Variants in PLEC observed in about 807,000 individuals in gnomAD.
PLEC encodes the protein hemidesmosomal protein 1.
Under a neutral mutation model 392.8 loss-of-function variants are expected in PLEC, and 216 were observed. The ratio of observed to expected loss-of-function variants is 0.55; its 90% CI spans 0.49 to 0.62. PLEC has a LOEUF of 0.62. PLEC is among the 20% of genes least tolerant of loss of function. The probability of loss-of-function intolerance (pLI) is 0.00; values close to 1 mark genes in which losing one functional copy is unlikely to be tolerated. For missense variants in PLEC, 6,863 were observed against 6,563.4 expected, an observed-to-expected ratio of 1.05 and a Z score of -1.58; for synonymous variants, 3,621 against 2,980.6, an observed-to-expected ratio of 1.21 and a Z score of -7.00.
At chr8:143,970,619 G>A (rs1416235988) in intron 1 of PLEC, among the ~76,000 whole-genome samples, 1 of 152,172 alleles carries the variant, frequency 6.6e-6, no homozygotes, top group East Asian at 1.9e-4. Context: ...ATTCGGAGTT[G>A]TGTAGCTGTC....
At chr8:143,954,842 G>A (rs1331410367), upstream of PLEC, among the ~76,000 whole-genome samples, 1 of 152,184 alleles carries the variant, frequency 6.6e-6, no homozygotes, top group Non-Finnish European at 1.5e-5. This position sits in a 1 kb window ranked among gnomAD's most constrained non-coding sequence, Gnocchi z 4.6. Context: ...GCCTCCACAA[G>A]ATAGAAGTGA....
Position 143,924,940 on chromosome 8 carries a change from C to T in PLEC, c.4989G>A (p.Glu1663=), listed in dbSNP as rs1554699876. The part of the protein sequence containing the change: ...QQKSLAQAEA[E]KQKEEAEREA... ...CGCGCTCCGCCTCCTCCTTCTGCTT[C>T]TCAGCCTCGGCCTGCGCCAGGCTCT... Residue 1663 remains glutamate, a synonymous_variant, in exon 31 of 32, where the codon GAG becomes GAA. Transcript: ENST00000345136. 5 of 1,583,338 alleles carry T rather than the reference C, an allele frequency of 3.2e-6. No homozygotes were observed. The highest frequency in any genetic ancestry group is 1.7e-5 in the Admixed American group (1 of 58,660).
chr8:143,934,254 G>A, intron 11 of PLEC, 64 bp downstream of exon 11: 4 of 1,605,170 alleles, frequency 2.5e-6, no homozygotes, highest in Admixed American at 1.7e-5. Context: ...GGGGAGGGGG[G>A]TTTCCTTCCC....
In PLEC at chr8:143,927,670, G is replaced by A. The variant is rs374092876; in HGVS notation, c.3496C>T (p.Arg1166Trp). The A allele has an allele frequency of 2.2e-5, 34 of 1,580,614 alleles. No homozygotes were observed. The highest frequency in any genetic ancestry group is 4.6e-5 in the East Asian group (2 of 43,310). ...AQEVGERLQQ[R>W]HGERDVEVER... ...ACCTCCACGTCCCGCTCCCCGTGCC[G>A]CTGCTGCAGTCGCTCCCCCACCTCC... The change falls in exon 27 of 32, where the codon CGG (arginine) becomes TGG (tryptophan). Residue 1166 changes from arginine (R) to tryptophan (W), a missense_variant. Physicochemically the swap from Arg to Trp is moderately radical, Grantham distance 101. Transcript: ENST00000345136.
chr8:143,936,020 C>G lies in PLEC; in HGVS notation c.436-6G>C. On this transcript the variant is annotated splice_polypyrimidine_tract_variant and splice_region_variant and intron_variant, in intron 5 of 31. Transcript: ENST00000345136. ...CTCACCTGGATATCTGAGATCTGCT[C>G]ACAGCAGAGAGGAGGCCACAGCTCA... 1.2e-6 allele frequency: 2 copies of G among 1,611,230 alleles called. No homozygotes were observed. The highest frequency in any genetic ancestry group is 1.7e-6 in the Non-Finnish European group (2 of 1,179,898).
At chr8:143,949,933 G>C (rs1831942671) in intron 1 of PLEC, among the ~76,000 whole-genome samples, 1 of 152,168 alleles carries the variant, frequency 6.6e-6, no homozygotes, top group Admixed American at 6.5e-5. Context: ...GCGCCCCGGG[G>C]TGTGCCTGGG....
At chr8:143,940,822 G>A (rs1293912755), upstream of PLEC, among the ~76,000 whole-genome samples, 5 of 152,230 alleles carry the variant, frequency 3.3e-5, no homozygotes, top group African/African-American at 1.2e-4. Context: ...CCCACTCCAC[G>A]CCAAGGGGCA....
In PLEC at chr8:143,920,730, G is replaced by A. The variant is rs782669587; in HGVS notation, c.9091C>T (p.Leu3031=). 1.1e-5 allele frequency: 17 copies of A among 1,603,802 alleles called. No homozygotes were observed. Among genetic ancestry groups the A allele is most frequent in the Non-Finnish European group, 1.3e-5 (15 of 1,179,916 alleles). ...RGANVIAGVW[L]EEAGQKLSIY... is the part of the protein sequence containing the mutation. Reference sequence around the variant, plus strand: ...CTCAGCTTCTGCCCCGCCTCCTCCAGCCATACACCCGCGATGACGTTGGCA... The same window carrying A: ...CTCAGCTTCTGCCCCGCCTCCTCCAACCATACACCCGCGATGACGTTGGCA... The change falls in exon 32 of 32, where the codon CTG becomes TTG. Residue 3031 remains leucine, a synonymous_variant. Transcript: ENST00000345136.
chr8:143,931,246 C>A (rs947251643), intron 19 of PLEC, among the ~76,000 whole-genome samples: 4 of 152,140 alleles, frequency 2.6e-5, no homozygotes, highest in Non-Finnish European at 5.9e-5. Context: ...GGACCGGCTG[C>A]CTCTCGGCTC....
chr8:143,952,083 G>A (rs1554737032), upstream of PLEC, among the ~76,000 whole-genome samples: 3 of 152,356 alleles, frequency 2.0e-5, no homozygotes, highest in African/African-American at 7.2e-5. Context: ...GGGATCCCGA[G>A]GTGGGAGGCG....
At chr8:143,953,966 G>A, upstream of PLEC, 2 of 1,305,434 alleles carry the variant, frequency 1.5e-6, no homozygotes, top group Non-Finnish European at 2.0e-6. Context: ...GCCGCACCGC[G>A]CACCCCTCCC....
rs781977571 is a variant in PLEC at position 143,924,258 on chromosome 8, T to A, written c.5671A>T (p.Ile1891Phe). The change falls in exon 31 of 32, where the codon ATC becomes TTC. Residue 1891 changes from isoleucine to phenylalanine, a missense_variant. Transcript: ENST00000345136. ...EEQAAQHKAD[I>F]EERLAQLRKA... ...CGCAGCTGGGCCAGGCGCTCCTCGATGTCAGCCTTGTGTTGCGCGGCCTGC... is the reference window on the plus strand; with the variant it reads ...CGCAGCTGGGCCAGGCGCTCCTCGAAGTCAGCCTTGTGTTGCGCGGCCTGC... 6.3e-7 allele frequency: 1 copy of A among 1,597,150 alleles called. No individual in the cohort carries two copies.
chr8:143,974,289 C>G (rs1315643416), upstream of PLEC, among the ~76,000 whole-genome samples: 1 of 152,262 alleles, frequency 6.6e-6, no homozygotes, highest in Admixed American at 6.5e-5. This position sits in a 1 kb window ranked among gnomAD's most constrained non-coding sequence, Gnocchi z 5.9. Context: ...CGGGACCCCC[C>G]ACACTCCTCC....
At position 143,939,561 on chromosome 8, in the gene PLEC, G is replaced by C. The variant is rs139090581; in HGVS notation, c.-100C>G. 1.3e-6 allele frequency: 2 copies of C among 1,530,380 alleles called. No homozygotes were observed. Among genetic ancestry groups the C allele is most frequent in the South Asian group, 1.2e-5 (1 of 83,136 alleles). 94.8% of individuals were successfully genotyped at this position (1,530,380 alleles called of 1,614,324 possible). On this transcript the variant is annotated 5_prime_UTR_variant, in exon 1 of 32. Coordinates refer to ENST00000345136, the MANE Select transcript of PLEC (RefSeq NM_201384.3). The stretch of plus-strand genomic sequence containing the variant: ...GGCAGCTGAAGGCTGGCGGCCCCAC[G>C]AGACGCTCACTCGGCACAGGCTCAG...
upstream of PLEC, among the ~76,000 whole-genome samples, chr8:143,943,357 C>T (rs899388576): frequency 1.3e-5 from 2 of 152,254 alleles, no homozygotes; most frequent in African/African-American, 4.8e-5. Context: ...GCCCCCGCCC[C>T]CTGTGCGGCC....
At chr8:143,946,186 A>G (rs1260016545) in intron 1 of PLEC, among the ~76,000 whole-genome samples, 1 of 152,188 alleles carries the variant, frequency 6.6e-6, no homozygotes, top group Non-Finnish European at 1.5e-5. Context: ...TCCGGGACAC[A>G]CATCACACAC....
exon 1 of PLEC, chr8:143,950,869 G>T (rs567584111): frequency 1.9e-5 from 26 of 1,396,422 alleles, no homozygotes; most frequent in Non-Finnish European, 2.3e-5. Flanking sequence ...GCGTGAGGGC[G>T]CGGGCTCCCG....
At chr8:143,953,894 C>T, upstream of PLEC, 1 of 1,505,586 alleles carries the variant, frequency 6.6e-7, no homozygotes, top group South Asian at 1.3e-5. Context: ...GGCTTGCCGG[C>T]CAGGGGCGGG....
Position 143,921,426 on chromosome 8 carries a change from G to A in PLEC, c.8395C>T (p.Arg2799Trp), listed in dbSNP as rs561686703. 7.4e-6 allele frequency: 12 copies of A among 1,613,390 alleles called. No individual in the cohort carries two copies. In the East Asian group the frequency reaches 1.3e-4, roughly 18 times the overall value. Residue 2799 changes from arginine to tryptophan, a missense_variant, in exon 32 of 32, where the codon CGG becomes TGG. By Grantham distance (101) the Arg-to-Trp change is moderately radical. Coordinates refer to ENST00000345136, the MANE Select transcript of PLEC (RefSeq NM_201384.3). ...TCCAGCAGGCGGATGCCGTGCTCCC[G>A]GACGATGAGGCCCTTCTGCATGGCT... ...FQAMQKGLIV[R>W]EHGIRLLEAQ... is the part of the protein sequence containing the mutation.
Sources: gnomAD v4.1 joint callset for allele counts (sites outside exome capture counted in the v4.1 genomes callset) on GRCh38, gnomAD v4.1.1 for gene constraint, Gnocchi (gnomAD v3.1) non-coding constraint, MANE v1.5 for transcripts, NCBI Gene and HGNC (gene_info 2026-07-23, HGNC 2026-07-21) for gene names.